Variants in GABRG3 observed in about 807,000 individuals in gnomAD.
GABRG3 encodes the protein gamma-aminobutyric acid receptor subunit gamma-3.
A neutral mutation model predicts 48.8 loss-of-function variants in GABRG3; 25 were observed. That is an observed-to-expected ratio of 0.51 (90% CI 0.37 to 0.72). GABRG3 has a LOEUF of 0.72. GABRG3 is among the 30% of genes least tolerant of loss of function. The probability of loss-of-function intolerance (pLI) is 0.00; values close to 1 mark genes in which losing one functional copy is unlikely to be tolerated. For synonymous variants in GABRG3, 227 were observed against 217.6 expected (o/e 1.04, Z -0.38); for missense variants, 394 against 577.9 (o/e 0.68, Z 3.26).
intron 5 of GABRG3, among the ~76,000 whole-genome samples, chr15:27,338,899 T>C (rs1420055495): frequency 6.6e-6 from 1 of 152,198 alleles, no homozygotes; most frequent in East Asian, 1.9e-4. Context: ...AACCACTCTT[T>C]AGTCATCCAA....
At chr15:27,504,940 A>C (rs753141077) in intron 6 of GABRG3, among the ~76,000 whole-genome samples, 7 of 152,174 alleles carry the variant, frequency 4.6e-5, no homozygotes, top group Non-Finnish European at 1.0e-4. Context: ...CTTCATGTTA[A>C]TATTTTACTT....
At chr15:27,531,153 T>C (rs1891414140) in intron 9 of GABRG3, among the ~76,000 whole-genome samples, 1 of 152,026 alleles carries the variant, frequency 6.6e-6, no homozygotes, top group Admixed American at 6.6e-5. Flanking sequence ...GAGGCCCCAA[T>C]GGTAGCAGAG....
intron 5 of GABRG3, among the ~76,000 whole-genome samples, chr15:27,442,005 G>A (rs1160917894): frequency 2.6e-5 from 4 of 152,134 alleles, no homozygotes; most frequent in African/African-American, 9.7e-5. Flanking sequence ...CTTACACTAT[G>A]GGACACCTTG....
At chr15:27,070,057 A>G (rs1245231103) in intron 3 of GABRG3, among the ~76,000 whole-genome samples, 1 of 152,208 alleles carries the variant, frequency 6.6e-6, no homozygotes. Flanking sequence ...GTGTGTTGTG[A>G]AAAAAACAGA....
chr15:27,535,618 G>T lies in GABRG3; in HGVS notation c.*2737G>T, dbSNP rs924987526. On this transcript the variant is annotated 3_prime_UTR_variant, in exon 10 of 10. Transcript: ENST00000615808. ...ATATACAGCAGGCTCCCCACTAGGG[G>T]GTCTCAATAAAAAGAGCTAAAGCAC... is the stretch of plus-strand genomic sequence containing the variant. 4.6e-5 allele frequency: 7 copies of T among 152,168 alleles called. No individual in the cohort carries two copies. The highest frequency in any genetic ancestry group is 1.7e-4 in the African/African-American group (7 of 41,436). 9.4% of individuals were successfully genotyped at this position (152,168 alleles called of 1,614,324 possible). A position where few individuals can be genotyped will look rare whatever the true frequency, so the allele number is the denominator to read the frequency against.
chr15:27,187,973 C>T (rs939611259), intron 3 of GABRG3, among the ~76,000 whole-genome samples: 289 of 147,726 alleles, frequency 2.0e-3, no homozygotes, highest in African/African-American at 7.0e-3. Context: ...CGAGAATATG[C>T]GGTGTTTGGT....
At chr15:27,468,045 G>C (rs1229789016) in intron 5 of GABRG3, among the ~76,000 whole-genome samples, 1 of 152,134 alleles carries the variant, frequency 6.6e-6, no homozygotes, top group Non-Finnish European at 1.5e-5. Flanking sequence ...AGTCACTTCG[G>C]TACAGTTATC....
At chr15:27,333,933 C>T (rs1893882457) in intron 5 of GABRG3, among the ~76,000 whole-genome samples, 1 of 152,028 alleles carries the variant, frequency 6.6e-6, no homozygotes, top group Admixed American at 6.6e-5. Context: ...TCATTTAGTT[C>T]CTCATTCCTT....
intron 3 of GABRG3, among the ~76,000 whole-genome samples, chr15:27,134,468 T>A (rs1315041783): frequency 6.6e-6 from 1 of 152,118 alleles, no homozygotes; most frequent in Non-Finnish European, 1.5e-5. Flanking sequence ...GACTCTCCGC[T>A]CTGTTCAAAG....
At chr15:27,349,836 C>G (rs1173351108) in intron 5 of GABRG3, among the ~76,000 whole-genome samples, 1 of 151,968 alleles carries the variant, frequency 6.6e-6, no homozygotes, top group Non-Finnish European at 1.5e-5. Flanking sequence ...GCACTGGATT[C>G]TCTCTCCCCG....
Position 27,351,449 on chromosome 15 carries a change from GTGTGTGTGTT to G in GABRG3, c.574+22571_574+22580del, listed in dbSNP as rs557390892. Reference sequence around the variant, plus strand: ...TGTGTGTATGGTGTGTGTGTATATGGTGTGTGTGTTTGTGTGTGTATGTTTGTATGGTGTG... The same window carrying G: ...TGTGTGTATGGTGTGTGTGTATATGGTGTGTGTGTATGTTTGTATGGTGTG... On this transcript the variant is annotated intron_variant, in intron 5 of 9. Transcript: ENST00000615808. 3.0e-3 allele frequency among the ~76,000 whole-genome samples: 431 copies of G among 144,188 alleles called. 3 individuals carry two copies. Among genetic ancestry groups the G allele is most frequent in the African/African-American group, 0.011 (408 of 38,672 alleles). 94.6% of individuals were successfully genotyped at this position (144,188 alleles called of 152,430 possible).
At chr15:27,257,543 T>G (rs138218450) in intron 3 of GABRG3, among the ~76,000 whole-genome samples, 1 of 152,338 alleles carries the variant, frequency 6.6e-6, no homozygotes, top group East Asian at 1.9e-4. Flanking sequence ...ATTTCTGAGT[T>G]GATTTTCATT....
At chr15:27,010,027 C>T (rs1895656557) in intron 2 of GABRG3, among the ~76,000 whole-genome samples, 2 of 152,152 alleles carry the variant, frequency 1.3e-5, no homozygotes, top group Non-Finnish European at 2.9e-5. Context: ...TTACTGCAAC[C>T]TCTGCCTCCA....
chr15:27,502,490 A>G (rs1190654800), intron 6 of GABRG3, among the ~76,000 whole-genome samples: 2 of 152,114 alleles, frequency 1.3e-5, no homozygotes, highest in Non-Finnish European at 2.9e-5. Flanking sequence ...TTTTCCCCAG[A>G]TCTGAAGTGT....
At chr15:27,112,238 A>T (rs944276686) in intron 3 of GABRG3, among the ~76,000 whole-genome samples, 3 of 152,068 alleles carry the variant, frequency 2.0e-5, no homozygotes, top group African/African-American at 7.2e-5. Context: ...ATTTTAGGGT[A>T]ACAGTGTTTT....
rs141239878 is a variant in GABRG3 at position 27,378,988 on chromosome 15, T to G, written c.574+50100T>G. Among the ~76,000 whole-genome samples, 421 of 152,286 alleles carry G rather than the reference T, an allele frequency of 2.8e-3. 2 individuals carry two copies. Among genetic ancestry groups the G allele is most frequent in the Admixed American group, 4.7e-3 (72 of 15,298 alleles). On this transcript the variant is annotated intron_variant, in intron 5 of 9. Transcript: ENST00000615808. ...TTATTTTGTCTCCCTGTGCATAAGT[T>G]TGTGTATGAATGTGTATGTATGTGG...
chr15:27,191,311 G>A (rs1423576395), intron 3 of GABRG3, among the ~76,000 whole-genome samples: 3 of 152,100 alleles, frequency 2.0e-5, no homozygotes, highest in African/African-American at 7.2e-5. Context: ...TCTGTCTAAT[G>A]TTGACAGTGG....
intron 5 of GABRG3, among the ~76,000 whole-genome samples, chr15:27,394,412 A>T (rs2140579911): frequency 6.6e-6 from 1 of 152,212 alleles, no homozygotes; most frequent in Middle Eastern, 3.4e-3. Flanking sequence ...TATGTATGAT[A>T]AGTATATAAG....
At chr15:27,496,490 C>A (rs370331369) in intron 6 of GABRG3, among the ~76,000 whole-genome samples, 2 of 152,180 alleles carry the variant, frequency 1.3e-5, no homozygotes, top group African/African-American at 4.8e-5. Context: ...GCTTTTTCAG[C>A]CCCTATTCTG....
Sources: allele counts gnomAD v4.1 joint callset (sites outside exome capture counted in the v4.1 genomes callset), GRCh38; gene constraint gnomAD v4.1.1; transcripts MANE v1.5; gene names NCBI Gene and HGNC (gene_info 2026-07-23, HGNC 2026-07-21).